The following SETBP1 variants were observed in gnomAD, a reference collection of about 807,000 sequenced individuals.
SETBP1 encodes SET binding protein 1, also known as SET-binding protein.
A neutral mutation model predicts 101.0 loss-of-function variants in SETBP1; 9 were observed. The ratio of observed to expected loss-of-function variants is 0.09; its 90% CI spans 0.05 to 0.16. The LOEUF (loss-of-function observed/expected upper bound fraction) is 0.16, where lower values mean the gene tolerates loss of function less well. SETBP1 is among the 10% of genes least tolerant of loss of function. SETBP1 has a pLI of 1.00. For synonymous variants in SETBP1, 818 were observed against 788.5 expected, an observed-to-expected ratio of 1.04 and a Z score of -0.63; for missense variants, 1,858 against 2,033.8, an observed-to-expected ratio of 0.91 and a Z score of 1.66.
At chr18:45,058,547 AGAG>A (rs1415740842) in intron 5 of SETBP1, among the ~76,000 whole-genome samples, 39 of 152,348 alleles carry the variant, frequency 2.6e-4, no homozygotes, top group African/African-American at 8.4e-4. Flanking sequence ...ATGAAGAAAC[AGAG>A]ATGGAGGGGT....
chr18:44,892,511 T>C (rs2069795063), intron 3 of SETBP1, among the ~76,000 whole-genome samples: 1 of 152,176 alleles, frequency 6.6e-6, no homozygotes, highest in Non-Finnish European at 1.5e-5. Flanking sequence ...AAATAGGTTG[T>C]GATTTGATCT....
At chr18:44,754,245 A>G (rs2070446378) in intron 2 of SETBP1, among the ~76,000 whole-genome samples, 1 of 152,170 alleles carries the variant, frequency 6.6e-6, no homozygotes, top group African/African-American at 2.4e-5. Flanking sequence ...TCATATTTAA[A>G]TATACCTTAA....
chr18:45,038,580 G>C lies in SETBP1; in HGVS notation c.4096G>C (p.Ala1366Pro). The C allele has an allele frequency of 6.2e-7, 1 of 1,614,158 alleles. No individual in the cohort carries two copies. The highest frequency in any genetic ancestry group is 8.5e-7 in the Non-Finnish European group (1 of 1,180,016). The change falls in exon 5 of 6, where the codon GCA becomes CCA. Residue 1366 changes from alanine to proline, a missense_variant. By Grantham distance (27) the Ala-to-Pro change is conservative (BLOSUM62 -1). Around this residue, in one of 12 missense-constraint regions of SETBP1, gnomAD observed 417 missense variants for 389.1 expected, o/e 1.07. Transcript: ENST00000649279. ...CATGATGACCAGGAAGAAGCCAGCC[G>C]CAGTTGACAGTGTTACAATTCCACC... ...PTMMTRKKPA[A>P]VDSVTIPPAP...
intron 2 of SETBP1, among the ~76,000 whole-genome samples, chr18:44,772,645 A>C (rs1000699425): frequency 1.3e-5 from 2 of 152,178 alleles, no homozygotes; most frequent in East Asian, 3.8e-4. Context: ...GCCGTGCTTA[A>C]GCTTTGAGCT....
intron 3 of SETBP1, 56 bp from the exon 4 acceptor site, chr18:44,949,825 C>T (rs2071292526): frequency 7.3e-7 from 1 of 1,370,872 alleles, no homozygotes; most frequent in Non-Finnish European, 1.0e-6. Flanking sequence ...CTTCAACATG[C>T]TCATCTTTGT....
chr18:44,989,798 G>A (rs1165079270), intron 4 of SETBP1, among the ~76,000 whole-genome samples: 1 of 143,438 alleles, frequency 7.0e-6, no homozygotes, highest in African/African-American at 2.5e-5. Context: ...GAACCCGGGA[G>A]GCGGAGCTTG....
chr18:45,007,839 T>C (rs2072761451), intron 4 of SETBP1, among the ~76,000 whole-genome samples: 1 of 152,170 alleles, frequency 6.6e-6, no homozygotes. Flanking sequence ...ATGCATCCAG[T>C]TGAACCAGGG....
At chr18:44,934,000 C>T (rs1439343714) in intron 3 of SETBP1, among the ~76,000 whole-genome samples, 5 of 152,164 alleles carry the variant, frequency 3.3e-5, no homozygotes, top group African/African-American at 9.7e-5. Context: ...AGAAATCACC[C>T]GTCTTCTGCG....
chr18:44,842,413 A>G (rs1371066562), intron 2 of SETBP1, among the ~76,000 whole-genome samples: 2 of 152,200 alleles, frequency 1.3e-5, no homozygotes, highest in East Asian at 1.9e-4. Flanking sequence ...GTCAAATTTT[A>G]TTGAAACAGG....
At chr18:44,791,505 G>T (rs2071370687) in intron 2 of SETBP1, among the ~76,000 whole-genome samples, 1 of 152,306 alleles carries the variant, frequency 6.6e-6, no homozygotes, top group African/African-American at 2.4e-5. Flanking sequence ...CCTCTGAGGA[G>T]ACTTGCATCT....
intron 3 of SETBP1, among the ~76,000 whole-genome samples, chr18:44,896,416 A>T (rs1568205768): frequency 6.6e-6 from 1 of 152,326 alleles, no homozygotes; most frequent in East Asian, 1.9e-4. Flanking sequence ...TGCATATTGT[A>T]CAAGTCTAAT....
At chr18:44,855,528 C>T (rs117688434) in intron 2 of SETBP1, among the ~76,000 whole-genome samples, 32 of 152,250 alleles carry the variant, frequency 2.1e-4, no homozygotes, top group South Asian at 1.2e-3. Context: ...CTTAAGTGGA[C>T]GGGCTGATGA....
intron 2 of SETBP1, among the ~76,000 whole-genome samples, chr18:44,730,731 G>A (rs1175703419): frequency 6.6e-6 from 1 of 152,190 alleles, no homozygotes; most frequent in East Asian, 1.9e-4. Flanking sequence ...AAGAGTTACA[G>A]TGGGGGTGGG....
At chr18:44,996,142 C>T (rs1599426167) in intron 4 of SETBP1, among the ~76,000 whole-genome samples, 1 of 152,218 alleles carries the variant, frequency 6.6e-6, no homozygotes, top group Non-Finnish European at 1.5e-5. Flanking sequence ...CTCTCCCTCC[C>T]TCTTTTCTCT....
At chr18:44,769,812 T>A (rs117840005) in intron 2 of SETBP1, among the ~76,000 whole-genome samples, 1,920 of 152,352 alleles carry the variant, frequency 0.013, 32 homozygotes, top group Non-Finnish European at 0.023. Context: ...CTTCAGCCAC[T>A]CACATACATA....
intron 4 of SETBP1, among the ~76,000 whole-genome samples, chr18:44,962,660 A>G (rs1419981945): frequency 6.6e-6 from 1 of 152,226 alleles, no homozygotes; most frequent in Non-Finnish European, 1.5e-5. Context: ...CTATCAGTGA[A>G]ATAAGCTGCA....
At chr18:44,825,942 C>T (rs1442421241) in intron 2 of SETBP1, among the ~76,000 whole-genome samples, 1 of 152,124 alleles carries the variant, frequency 6.6e-6, no homozygotes, top group Non-Finnish European at 1.5e-5. Flanking sequence ...CTCTACACCT[C>T]GATTTTCTCA....
chr18:44,972,826 G>C (rs986492789), intron 4 of SETBP1, among the ~76,000 whole-genome samples: 1 of 152,098 alleles, frequency 6.6e-6, no homozygotes, highest in Non-Finnish European at 1.5e-5. Flanking sequence ...CTGCAGACAG[G>C]GACAATTTGA....
chr18:44,684,363 A>G (rs1261866783), intron 1 of SETBP1, among the ~76,000 whole-genome samples: 3 of 152,232 alleles, frequency 2.0e-5, no homozygotes, highest in Non-Finnish European at 4.4e-5. Flanking sequence ...GTGAATGCAG[A>G]AAGATGATGC....
Sources: allele counts gnomAD v4.1 joint callset (sites outside exome capture counted in the v4.1 genomes callset), GRCh38; gene constraint gnomAD v4.1.1; regional missense constraint gnomAD v4.1.1; transcripts MANE v1.5; gene names NCBI Gene and HGNC (gene_info 2026-07-23, HGNC 2026-07-21).